Variants in SETD5 observed in about 807,000 individuals in gnomAD.
The protein encoded by SETD5 is histone-lysine N-methyltransferase SETD5.
A neutral mutation model predicts 153.3 loss-of-function variants in SETD5; 44 were observed. The observed-to-expected ratio is 0.29, with a 90% CI of 0.23 to 0.37. The LOEUF is 0.37. Among genes scored for constraint, SETD5 ranks in the 10% least tolerant of loss-of-function variants. The probability of loss-of-function intolerance (pLI) is 1.00; values close to 1 mark genes in which losing one functional copy is unlikely to be tolerated. For missense variants in SETD5, 1,544 were observed against 1,768.0 expected, an observed-to-expected ratio of 0.87 and a Z score of 2.27; for synonymous variants, 716 against 645.2, an observed-to-expected ratio of 1.11 and a Z score of -1.66.
chr3:9,453,701 A>G lies in SETD5; in HGVS notation c.2347-38A>G, dbSNP rs2648580. Reference sequence around the variant, plus strand: ...AAACAGGTGCACTAAATAGTTTTAGATAATTATTGATAATTCTCTGGTTCT... The same window carrying G: ...AAACAGGTGCACTAAATAGTTTTAGGTAATTATTGATAATTCTCTGGTTCT... On this transcript the variant is annotated intron_variant, in intron 16 of 22. Transcript: ENST00000402198. The G allele has an allele frequency of 0.72, 1,117,507 of 1,547,162 alleles. 408,142 individuals are homozygous for G. The highest frequency in any genetic ancestry group is 0.83 in the South Asian group (66,202 of 79,960).
intron 1 of SETD5, among the ~76,000 whole-genome samples, chr3:9,421,508 C>T (rs17050320): frequency 0.033 from 4,961 of 151,962 alleles, 299 homozygotes; most frequent in African/African-American, 0.11. Context: ...GGTACAGCTA[C>T]GGTGATTTTA....
intron 18 of SETD5, among the ~76,000 whole-genome samples, chr3:9,465,932 G>A (rs2044500115): frequency 6.6e-6 from 1 of 152,150 alleles, no homozygotes; most frequent in Non-Finnish European, 1.5e-5. Flanking sequence ...GAGGGCATAA[G>A]ATTATAGGAA....
intron 2 of SETD5, among the ~76,000 whole-genome samples, chr3:9,427,472 G>T (rs1239112100): frequency 6.6e-6 from 1 of 152,264 alleles, no homozygotes; most frequent in South Asian, 2.1e-4. Flanking sequence ...ATCTCTTGAA[G>T]CCAGGAGGCG....
chr3:9,475,251 A>C (rs2045744795), intron 22 of SETD5, 95 bp downstream of exon 22: 1 of 1,273,598 alleles, frequency 7.9e-7, no homozygotes, highest in South Asian at 1.4e-5. Flanking sequence ...CTGTCTTTGC[A>C]TATAGTTTCA....
intron 1 of SETD5, among the ~76,000 whole-genome samples, chr3:9,423,752 T>C (rs1387749255): frequency 6.6e-6 from 1 of 152,214 alleles, no homozygotes; most frequent in Non-Finnish European, 1.5e-5. Context: ...TGAATAGCTC[T>C]TTTCATGTTT....
At chr3:9,428,180 C>A (rs931908113) in intron 2 of SETD5, among the ~76,000 whole-genome samples, 3 of 152,134 alleles carry the variant, frequency 2.0e-5, no homozygotes, top group African/African-American at 2.4e-5. Flanking sequence ...TTGTTCATAT[C>A]TAGCAGCGTA....
chr3:9,425,175 C>G (rs2038992873), intron 2 of SETD5, among the ~76,000 whole-genome samples: 1 of 149,620 alleles, frequency 6.7e-6, no homozygotes, highest in African/African-American at 2.5e-5. Flanking sequence ...GATTCTCTTG[C>G]CTCAGCCTCC....
At chr3:9,426,805 T>A (rs1447649493) in intron 2 of SETD5, among the ~76,000 whole-genome samples, 3 of 152,178 alleles carry the variant, frequency 2.0e-5, no homozygotes, top group Non-Finnish European at 4.4e-5. Flanking sequence ...CCCAAAGTGC[T>A]GGGATGACAG....
intron 19 of SETD5, among the ~76,000 whole-genome samples, chr3:9,472,351 G>A (rs542913289): frequency 2.3e-4 from 35 of 152,244 alleles, no homozygotes; most frequent in African/African-American, 7.7e-4. Flanking sequence ...TAGGTTCTAC[G>A]GCCTGTGTAA....
chr3:9,447,790 A>G lies in SETD5; in HGVS notation c.1887A>G (p.Arg629=). The stretch of plus-strand genomic sequence containing the variant: ...GGTACAGGACCAGTTCAGCCCAAAG[A>G]CTAAAGCGTCAGAAGCAGGCCAATG... ...ISRYRTSSAQ[R]LKRQKQANAQ... is the part of the protein sequence containing the mutation. Residue 629 remains arginine (R), a synonymous_variant, in exon 15 of 23, where the codon AGA becomes AGG. Transcript: ENST00000402198. 2 of 1,614,028 alleles carry G rather than the reference A, an allele frequency of 1.2e-6. No homozygotes were observed. The highest frequency in any genetic ancestry group is 1.7e-6 in the Non-Finnish European group (2 of 1,179,892).
chr3:9,402,947 A>G (rs746679326), intron 1 of SETD5, among the ~76,000 whole-genome samples: 1 of 152,182 alleles, frequency 6.6e-6, no homozygotes, highest in Admixed American at 6.5e-5. Flanking sequence ...CCAGCTGCTT[A>G]TGTCAGACTG....
chr3:9,402,742 G>T (rs756656338), intron 1 of SETD5, among the ~76,000 whole-genome samples: 1 of 152,104 alleles, frequency 6.6e-6, no homozygotes, highest in African/African-American at 2.4e-5. Context: ...CACAAAAAGC[G>T]GTAGCTATAG....
chr3:9,433,632 GGCT>G (rs2040224940), intron 3 of SETD5: 5 of 990,042 alleles, frequency 5.1e-6, no homozygotes, highest in Non-Finnish European at 7.0e-6. Context: ...TGCCTGTACT[GGCT>G]TCATGTTACA....
At chr3:9,421,754 T>C (rs191905187) in intron 1 of SETD5, among the ~76,000 whole-genome samples, 2 of 152,330 alleles carry the variant, frequency 1.3e-5, no homozygotes, top group Admixed American at 1.3e-4. Flanking sequence ...AAAAGTGTTT[T>C]CTCTTCCTGA....
At chr3:9,436,802 C>G (rs1371103162) in intron 7 of SETD5, 1 of 1,523,454 alleles carries the variant, frequency 6.6e-7, no homozygotes, top group Non-Finnish European at 8.9e-7. Flanking sequence ...AACTGTCATT[C>G]TTGGTACCAA....
Position 9,475,833 on chromosome 3 carries a change from C to G in SETD5, c.4071C>G (p.Thr1357=), listed in dbSNP as rs764660583. ...PTLQGPSDSP[T]SDSVSQSSTG... is the part of the protein sequence containing the mutation. ...TGCAGGGACCCTCAGACTCGCCAAC[C>G]TCAGATTCAGTTTCTCAGTCCAGCA... is the stretch of plus-strand genomic sequence containing the variant. The change falls in exon 23 of 23, where the codon ACC becomes ACG. Residue 1357 remains threonine (T), a synonymous_variant. Coordinates refer to ENST00000402198, the MANE Select transcript of SETD5 (RefSeq NM_001080517.3). 6.2e-7 allele frequency: 1 copy of G among 1,614,036 alleles called. No individual in the cohort carries two copies. Among genetic ancestry groups the G allele is most frequent in the Non-Finnish European group, 8.5e-7 (1 of 1,179,884 alleles).
chr3:9,433,211 T>A (rs912141024), intron 3 of SETD5, among the ~76,000 whole-genome samples: 1 of 152,256 alleles, frequency 6.6e-6, no homozygotes, highest in African/African-American at 2.4e-5. Flanking sequence ...TTCTATGGTA[T>A]TATCATGCAG....
Position 9,434,810 on chromosome 3 carries a change from T to A in SETD5, c.330-14T>A. 6.2e-7 allele frequency: 1 copy of A among 1,610,286 alleles called. No homozygotes were observed. The highest frequency in any genetic ancestry group is 8.5e-7 in the Non-Finnish European group (1 of 1,178,390). On this transcript the variant is annotated splice_polypyrimidine_tract_variant and intron_variant, in intron 5 of 22. Coordinates refer to ENST00000402198, the MANE Select transcript of SETD5 (RefSeq NM_001080517.3). This position sits in a 1 kb window ranked among gnomAD's most constrained non-coding sequence, Gnocchi z 5.6. The stretch of plus-strand genomic sequence containing the variant: ...TGTTGGAAGGACTACTTTAAGTTTA[T>A]TTTCCCTCTTTAGGGGAATGAGCAG...
intron 16 of SETD5, among the ~76,000 whole-genome samples, chr3:9,453,483 C>A (rs1469044608): frequency 6.6e-6 from 1 of 152,148 alleles, no homozygotes; most frequent in African/African-American, 2.4e-5. Flanking sequence ...AGTTGAATAG[C>A]AGTCATTTTT....
Sources: allele counts gnomAD v4.1 joint callset (sites outside exome capture counted in the v4.1 genomes callset), GRCh38; gene constraint gnomAD v4.1.1; non-coding constraint Gnocchi (gnomAD v3.1); transcripts MANE v1.5; gene names NCBI Gene and HGNC (gene_info 2026-07-23, HGNC 2026-07-21).